The following MMP26 variants were observed in gnomAD, a reference collection of about 807,000 sequenced individuals.
MMP26 encodes matrix metallopeptidase 26, also known as matrix metalloproteinase-26.
A neutral mutation model predicts 31.0 loss-of-function variants in MMP26; 33 were observed. That is an observed-to-expected ratio of 1.06 (90% confidence interval 0.81 to 1.42). The LOEUF (loss-of-function observed/expected upper bound fraction) is 1.42. Among genes scored for constraint, MMP26 ranks in the 40% most tolerant of loss-of-function variants. The pLI is 0.00. For synonymous variants in MMP26, 122 were observed against 114.9 expected, an observed-to-expected ratio of 1.06 and a Z score of -0.40; for missense variants, 347 against 316.1, an observed-to-expected ratio of 1.10 and a Z score of -0.74.
chr11:4,817,360 G>C (rs575859546), intron 2 of MMP26, among the ~76,000 whole-genome samples: 11 of 152,146 alleles, frequency 7.2e-5, no homozygotes, highest in Non-Finnish European at 1.3e-4. Context: ...AAGGCTGGAG[G>C]ATATCTTGAG....
chr11:4,778,681 A>G (rs1390395124), intron 2 of MMP26, among the ~76,000 whole-genome samples: 2 of 152,046 alleles, frequency 1.3e-5, no homozygotes, highest in Admixed American at 6.6e-5. Flanking sequence ...GGGATTACAT[A>G]TATATGCCAT....
intron 1 of MMP26, among the ~76,000 whole-genome samples, chr11:4,737,368 G>A (rs972038739): frequency 6.6e-6 from 1 of 152,126 alleles, no homozygotes; most frequent in African/African-American, 2.4e-5. Flanking sequence ...AGGTGGCCAG[G>A]CACAGTGGCT....
At chr11:4,731,018 C>T (rs2133283802) in intron 1 of MMP26, among the ~76,000 whole-genome samples, 1 of 152,208 alleles carries the variant, frequency 6.6e-6, no homozygotes. Flanking sequence ...GATCTTGGTT[C>T]ACTGCAGCCT....
intron 2 of MMP26, chr11:4,908,677 G>T (rs1850945176): frequency 3.5e-6 from 1 of 286,028 alleles, no homozygotes; most frequent in Non-Finnish European, 6.7e-6. Context: ...ATACTGTCAA[G>T]GAAAGGTAAA....
At position 4,705,479 on chromosome 11, in the gene MMP26, A is replaced by G. The variant is rs74715951; in HGVS notation, c.-217+434A>G. On this transcript the variant is annotated intron_variant, in intron 1 of 7. Transcript: ENST00000380390. ...ACCCAATAATGGTGTTGTGATAGTA[A>G]TGAATGTGAAGCTTTGTTGTGAGGG... Among the ~76,000 whole-genome samples, 976 of 152,300 alleles carry G rather than the reference A, an allele frequency of 6.4e-3. 12 individuals carry two copies. The highest frequency in any genetic ancestry group is 0.022 in the African/African-American group (926 of 41,560).
chr11:4,867,387 C>CTTTTTT (rs3065176), intron 2 of MMP26, among the ~76,000 whole-genome samples: 46 of 98,274 alleles, frequency 4.7e-4, no homozygotes, highest in Non-Finnish European at 5.5e-4. Flanking sequence ...AGATGCTGTC[C>CTTTTTT]TTTTTTTTTT....
intron 2 of MMP26, among the ~76,000 whole-genome samples, chr11:4,986,634 G>A (rs1325829245): frequency 7.0e-6 from 1 of 142,748 alleles, no homozygotes; most frequent in Non-Finnish European, 1.5e-5. Flanking sequence ...GGGTTCAAGT[G>A]ATTCTCCTGC....
rs568012482 is a variant in MMP26, at chr11:4,991,291, C to T, written c.470-80C>T. 1.1e-5 allele frequency: 16 copies of T among 1,507,548 alleles called. No homozygotes were observed. In the East Asian group the frequency reaches 3.2e-4, roughly 30 times the overall value. The allele number at this position is 1,507,548 out of a possible 1,614,324, so 93.4% of individuals were successfully genotyped here. On this transcript the variant is annotated intron_variant, in intron 5 of 7. Coordinates refer to ENST00000380390, the MANE Select transcript of MMP26 (RefSeq NM_021801.5). ...TAGACTGTTGCACAGTATCCTAAGT[C>T]TCTGAGGCTTACTTAAGACTATTCT...
chr11:4,979,444 G>A (rs151202918), intron 2 of MMP26, among the ~76,000 whole-genome samples: 8 of 152,226 alleles, frequency 5.3e-5, no homozygotes, highest in Non-Finnish European at 1.0e-4. Flanking sequence ...AGGACTGTTG[G>A]ATGCAGGATC....
At chr11:4,986,905 TTCTCTCTCTCTCTCTCTC>T (rs71050445) in intron 2 of MMP26, among the ~76,000 whole-genome samples, 1 of 48,646 alleles carries the variant, frequency 2.1e-5, no homozygotes, top group African/African-American at 8.5e-5. Flanking sequence ...CTTCCTTCCT[TTCTCTCTCTCTCTCTCTC>T]TCTCTCTCCC....
chr11:4,848,408 CAGTGCCAGG>C, intron 2 of MMP26: 1 of 1,613,946 alleles, frequency 6.2e-7, no homozygotes, highest in South Asian at 1.1e-5. Context: ...GATGGTTAAT[CAGTGCCAGG>C]AGGATCATAG....
At chr11:4,853,360 T>TA (rs1211253459) in intron 2 of MMP26, among the ~76,000 whole-genome samples, 2 of 152,080 alleles carry the variant, frequency 1.3e-5, no homozygotes, top group African/African-American at 4.8e-5. Context: ...TAGACAATTT[T>TA]AAAATGTCAA....
intron 2 of MMP26, among the ~76,000 whole-genome samples, chr11:4,830,576 G>A (rs1285720737): frequency 6.6e-6 from 1 of 152,166 alleles, no homozygotes; most frequent in African/African-American, 2.4e-5. Context: ...CTTGGGAATG[G>A]CTCATTTCGA....
At chr11:4,906,436 T>A (rs1054609205) in intron 2 of MMP26, among the ~76,000 whole-genome samples, 3 of 152,236 alleles carry the variant, frequency 2.0e-5, no homozygotes, top group Non-Finnish European at 4.4e-5. Context: ...AGGGCAAATG[T>A]GTTTGAACAG....
chr11:4,734,788 A>G (rs1391850222), intron 1 of MMP26, among the ~76,000 whole-genome samples: 3 of 151,918 alleles, frequency 2.0e-5, no homozygotes, highest in Non-Finnish European at 4.4e-5. Context: ...GCAGAATAGC[A>G]TCGCATAGCA....
intron 2 of MMP26, among the ~76,000 whole-genome samples, chr11:4,838,024 G>A (rs929534139): frequency 4.6e-5 from 7 of 151,806 alleles, no homozygotes; most frequent in Non-Finnish European, 1.0e-4. Context: ...TAGTATAGAA[G>A]TATGATTTGC....
At chr11:4,785,767 A>T (rs550605284) in intron 2 of MMP26, among the ~76,000 whole-genome samples, 1 of 152,242 alleles carries the variant, frequency 6.6e-6, no homozygotes, top group African/African-American at 2.4e-5. Context: ...ATTAAGCACC[A>T]GATAGAGTTC....
rs1235359122 is a variant in MMP26 at position 4,848,474 on chromosome 11, A to G, written c.-145+81133A>G. ...CAGAGAGGTGGGCAGCACAGGTTTGACCAGCCTTCCAGCGATCCTCTCTGG... is the reference window on the plus strand; with the variant it reads ...CAGAGAGGTGGGCAGCACAGGTTTGGCCAGCCTTCCAGCGATCCTCTCTGG... On this transcript the variant is annotated intron_variant, in intron 2 of 7. Coordinates refer to ENST00000380390, the MANE Select transcript of MMP26 (RefSeq NM_021801.5). 1.9e-6 allele frequency: 3 copies of G among 1,613,608 alleles called. No individual in the cohort carries two copies. The Admixed American group carries it at 5.0e-5, about 27-fold the overall frequency.
chr11:4,878,912 A>G (rs1214092702), intron 2 of MMP26, among the ~76,000 whole-genome samples: 5 of 152,050 alleles, frequency 3.3e-5, no homozygotes, highest in African/African-American at 1.2e-4. Flanking sequence ...TCATACGTAT[A>G]TAGTGAGAAT....
Sources: allele counts gnomAD v4.1 joint callset (sites outside exome capture counted in the v4.1 genomes callset), GRCh38; gene constraint gnomAD v4.1.1; transcripts MANE v1.5; gene names NCBI Gene and HGNC (gene_info 2026-07-23, HGNC 2026-07-21).